ATRNL1: variants seen among roughly 807,000 people sequenced by gnomAD.
ATRNL1 encodes the protein attractin-like protein 1.
Under a neutral mutation model 182.7 loss-of-function variants are expected in ATRNL1, and 95 were observed. The observed-to-expected ratio is 0.52, with a 90% CI of 0.44 to 0.62. ATRNL1 has a LOEUF of 0.62. Among genes scored for constraint, ATRNL1 ranks in the 20% least tolerant of loss-of-function variants. The pLI is 0.00. For synonymous variants in ATRNL1, 576 were observed against 568.3 expected, an observed-to-expected ratio of 1.01 and a Z score of -0.19; for missense variants, 1,471 against 1,679.5, an observed-to-expected ratio of 0.88 and a Z score of 2.17.
chr10:115,710,360 A>G (rs1947027243), intron 26 of ATRNL1, among the ~76,000 whole-genome samples: 1 of 152,138 alleles, frequency 6.6e-6, no homozygotes, highest in Non-Finnish European at 1.5e-5. Flanking sequence ...TGCAATGAGT[A>G]CTGCACTTGA....
intron 27 of ATRNL1, among the ~76,000 whole-genome samples, chr10:115,813,930 C>A (rs1260027126): frequency 4.6e-5 from 7 of 152,048 alleles, no homozygotes; most frequent in African/African-American, 1.7e-4. Flanking sequence ...ATTTGACAAC[C>A]AAGTACACTC....
At chr10:115,914,886 C>A (rs1263700558) in intron 28 of ATRNL1, among the ~76,000 whole-genome samples, 4 of 151,670 alleles carry the variant, frequency 2.6e-5, no homozygotes, top group African/African-American at 9.7e-5. Context: ...CTATTTGTAA[C>A]AAAAATATAA....
chr10:115,450,083 G>A (rs1189876096), intron 21 of ATRNL1, among the ~76,000 whole-genome samples: 1 of 151,864 alleles, frequency 6.6e-6, no homozygotes, highest in African/African-American at 2.4e-5. Flanking sequence ...GTGCAGAAAA[G>A]GCTTTCTATA....
At chr10:115,561,311 C>T (rs1382510998) in intron 26 of ATRNL1, among the ~76,000 whole-genome samples, 1 of 151,964 alleles carries the variant, frequency 6.6e-6, no homozygotes, top group Non-Finnish European at 1.5e-5. Flanking sequence ...GGCAAATTAC[C>T]CACTTAAAAA....
intron 5 of ATRNL1, among the ~76,000 whole-genome samples, chr10:115,153,579 G>A (rs1846352915): frequency 1.3e-5 from 2 of 151,924 alleles, no homozygotes; most frequent in African/African-American, 4.8e-5. Context: ...ATTTTTTATT[G>A]CATCTATTTG....
intron 21 of ATRNL1, among the ~76,000 whole-genome samples, chr10:115,447,147 A>T (rs939949325): frequency 1.1e-4 from 16 of 151,814 alleles, no homozygotes; most frequent in African/African-American, 3.6e-4. Context: ...TGGAAATTTA[A>T]AATGTGTTAA....
intron 25 of ATRNL1, among the ~76,000 whole-genome samples, chr10:115,535,428 G>C (rs1482133480): frequency 6.7e-6 from 1 of 148,980 alleles, no homozygotes; most frequent in African/African-American, 2.4e-5. Context: ...CATTCTTCAC[G>C]TAGTTCTCAA....
At chr10:115,375,090 C>G (rs757171075) in intron 19 of ATRNL1, among the ~76,000 whole-genome samples, 4 of 151,004 alleles carry the variant, frequency 2.6e-5, no homozygotes, top group Non-Finnish European at 4.4e-5. Flanking sequence ...AAGTCCCTTA[C>G]TATTATTTTA....
At position 115,094,727 on chromosome 10, in the gene ATRNL1, C is replaced by T. The variant is rs535424713; in HGVS notation, c.293+684C>T. ...TTGAAGTAACTTGGCCAGGATTACA[C>T]AGTAGTAAGGGCCGAGTTATGATTC... On this transcript the variant is annotated intron_variant, in intron 1 of 28. Transcript: ENST00000355044. Among the ~76,000 whole-genome samples the T allele has an allele frequency of 1.2e-3, 189 of 152,256 alleles. 3 individuals are homozygous for T. The highest frequency in any genetic ancestry group is 0.011 in the Admixed American group (170 of 15,296).
chr10:115,696,190 C>T (rs939865989), intron 26 of ATRNL1, among the ~76,000 whole-genome samples: 5 of 151,884 alleles, frequency 3.3e-5, no homozygotes, highest in African/African-American at 4.9e-5. Context: ...GGAGACACCG[C>T]ACCCTGTCAC....
chr10:115,429,730 A>G (rs1846060059), intron 21 of ATRNL1, among the ~76,000 whole-genome samples: 1 of 152,010 alleles, frequency 6.6e-6, no homozygotes, highest in African/African-American at 2.4e-5. Flanking sequence ...TCTTTTTTGA[A>G]TGTTATTTTT....
At chr10:115,112,593 G>A (rs1432850479) in intron 1 of ATRNL1, among the ~76,000 whole-genome samples, 1 of 152,128 alleles carries the variant, frequency 6.6e-6, no homozygotes, top group Non-Finnish European at 1.5e-5. Flanking sequence ...TCAAATTTAT[G>A]GTGAAGCTTG....
chr10:115,495,414 T>G (rs761956214), intron 24 of ATRNL1, among the ~76,000 whole-genome samples: 5 of 152,132 alleles, frequency 3.3e-5, no homozygotes, highest in Non-Finnish European at 5.9e-5. Context: ...GATGTTAGGT[T>G]GTTAATTTGA....
At chr10:115,685,347 C>G (rs782267058) in intron 26 of ATRNL1, among the ~76,000 whole-genome samples, 1 of 151,700 alleles carries the variant, frequency 6.6e-6, no homozygotes, top group African/African-American at 2.4e-5. Flanking sequence ...AGTTATTTAG[C>G]CTCTTTATGA....
intron 28 of ATRNL1, among the ~76,000 whole-genome samples, chr10:115,848,211 T>C (rs1950974351): frequency 6.6e-6 from 1 of 152,204 alleles, no homozygotes; most frequent in Non-Finnish European, 1.5e-5. Flanking sequence ...ACATGTTGAA[T>C]ATGTGTTTAT....
intron 12 of ATRNL1, among the ~76,000 whole-genome samples, chr10:115,267,887 G>A (rs1222922604): frequency 1.3e-5 from 2 of 151,954 alleles, no homozygotes; most frequent in African/African-American, 2.4e-5. Flanking sequence ...TTAGCTTTCC[G>A]AGTAGCTGGA....
At chr10:115,626,383 T>G (rs537550892) in intron 26 of ATRNL1, among the ~76,000 whole-genome samples, 49 of 152,290 alleles carry the variant, frequency 3.2e-4, no homozygotes, top group African/African-American at 1.2e-3. Flanking sequence ...ATCATCATAC[T>G]TAGAGGTAAT....
At chr10:115,219,401 A>T (rs187600604) in intron 9 of ATRNL1, among the ~76,000 whole-genome samples, 1 of 152,274 alleles carries the variant, frequency 6.6e-6, no homozygotes, top group East Asian at 1.9e-4. Context: ...TCGCCTAGCC[A>T]GCATTTCTCT....
chr10:115,275,468 A>G (rs1852062869), intron 13 of ATRNL1, among the ~76,000 whole-genome samples: 2 of 152,164 alleles, frequency 1.3e-5, no homozygotes, highest in Admixed American at 6.6e-5. Flanking sequence ...TTCATGCTCA[A>G]CTCACCAATG....
Sources: allele counts gnomAD v4.1 joint callset (sites outside exome capture counted in the v4.1 genomes callset), GRCh38; gene constraint gnomAD v4.1.1; transcripts MANE v1.5; gene names NCBI Gene and HGNC (gene_info 2026-07-23, HGNC 2026-07-21).